Variants in NALCN observed in about 807,000 individuals in gnomAD.
NALCN encodes sodium leak channel NALCN.
Under a neutral mutation model 225.3 loss-of-function variants are expected in NALCN, and 111 were observed. That is an observed-to-expected ratio of 0.49 (90% CI 0.42 to 0.58). The LOEUF (loss-of-function observed/expected upper bound fraction) is 0.58, where lower values mean the gene tolerates loss of function less well. Ranked by LOEUF, NALCN falls within the 20% of genes least tolerant of loss-of-function variation. The probability of loss-of-function intolerance (pLI) is 0.00; values close to 1 mark genes in which losing one functional copy is unlikely to be tolerated. For missense variants in NALCN, 1,378 were observed against 2,202.4 expected (o/e 0.63, Z 7.49); for synonymous variants, 764 against 769.0 (o/e 0.99, Z 0.11).
chr13:101,233,297 T>C (rs570880306), intron 12 of NALCN, among the ~76,000 whole-genome samples: 4 of 152,220 alleles, frequency 2.6e-5, no homozygotes, highest in Admixed American at 2.6e-4. Flanking sequence ...AGAAATTGCA[T>C]AGTTAAGAAT....
chr13:101,288,005 C>A (rs1325427061), intron 9 of NALCN, among the ~76,000 whole-genome samples: 1 of 152,130 alleles, frequency 6.6e-6, no homozygotes, highest in African/African-American at 2.4e-5. Flanking sequence ...ATTTACTTTG[C>A]AATTTGCATG....
intron 14 of NALCN, 64 bp from the exon 15 acceptor site, chr13:101,176,438 A>G (rs985092086): frequency 3.3e-6 from 4 of 1,198,006 alleles, no homozygotes; most frequent in African/African-American, 1.6e-5. Context: ...TATTATATGT[A>G]TAATATAGCT....
chr13:101,346,085 C>CTATATATA (rs1164298684), intron 6 of NALCN, among the ~76,000 whole-genome samples: 38 of 80,370 alleles, frequency 4.7e-4, no homozygotes, highest in African/African-American at 6.4e-4. Flanking sequence ...CTCTCTCTCT[C>CTATATATA]TCTATATATA....
rs1555347181 is a variant in NALCN, at chr13:101,400,590, T to TGTGTGCGC, written c.-39-1426_-39-1425insGCGCACAC. 4.9e-5 allele frequency among the ~76,000 whole-genome samples: 7 copies of TGTGTGCGC among 142,818 alleles called. No individual in the cohort carries two copies. In the East Asian group the frequency reaches 8.2e-4, roughly 17 times the overall value. 93.7% of individuals were successfully genotyped at this position (142,818 alleles called of 152,430 possible). On this transcript the variant is annotated intron_variant, in intron 1 of 43. Coordinates refer to ENST00000251127, the MANE Select transcript of NALCN (RefSeq NM_052867.4). ...GTGTGTGTGTGTGTGTGCACGTGTGTGCGCGCGCACACAGATGCAGTTTTT... is the reference window on the plus strand; with the variant it reads ...GTGTGTGTGTGTGTGTGCACGTGTGTGTGTGCGCGCGCGCGCACACAGATGCAGTTTTT...
At chr13:101,172,645 C>T (rs559276345) in intron 15 of NALCN, among the ~76,000 whole-genome samples, 5 of 152,120 alleles carry the variant, frequency 3.3e-5, no homozygotes, top group Non-Finnish European at 7.4e-5. Context: ...CTGCAAGCTC[C>T]GCCTCCCGGG....
chr13:101,411,433 C>T (rs1009750468), intron 1 of NALCN, among the ~76,000 whole-genome samples: 7 of 151,130 alleles, frequency 4.6e-5, no homozygotes, highest in Admixed American at 6.6e-5. Flanking sequence ...ACCTCTGCCT[C>T]CTGGGTTCAA....
chr13:101,284,682 A>C (rs1279564791), intron 9 of NALCN, among the ~76,000 whole-genome samples: 1 of 152,200 alleles, frequency 6.6e-6, no homozygotes, highest in African/African-American at 2.4e-5. Flanking sequence ...ACGTATTATG[A>C]AGGGAACAAG....
chr13:101,352,478 GAGAA>G (rs1191962334), intron 6 of NALCN, among the ~76,000 whole-genome samples: 2 of 152,186 alleles, frequency 1.3e-5, no homozygotes, highest in Non-Finnish European at 2.9e-5. Flanking sequence ...GAAAGAGAGA[GAGAA>G]AGAGAGAGAC....
intron 15 of NALCN, among the ~76,000 whole-genome samples, chr13:101,152,139 A>G (rs1258727259): frequency 1.3e-5 from 2 of 152,238 alleles, no homozygotes; most frequent in Non-Finnish European, 2.9e-5. Context: ...CTGAAGCCAC[A>G]GATAGAAATT....
chr13:101,342,766 A>G (rs2045597912), intron 7 of NALCN, among the ~76,000 whole-genome samples: 1 of 152,164 alleles, frequency 6.6e-6, no homozygotes, highest in African/African-American at 2.4e-5. Flanking sequence ...ACAAAGAGGC[A>G]AAGATGTCTT....
chr13:101,068,587 C>T (rs1041257452), intron 38 of NALCN, 108 bp downstream of exon 38: 2 of 1,174,808 alleles, frequency 1.7e-6, no homozygotes, highest in Admixed American at 3.5e-5. Flanking sequence ...TAATTAATGC[C>T]ATGAAACACC....
chr13:101,203,316 A>C (rs1046428824), intron 13 of NALCN, among the ~76,000 whole-genome samples: 1 of 152,158 alleles, frequency 6.6e-6, no homozygotes, highest in African/African-American at 2.4e-5. Flanking sequence ...TCCAGGTTCA[A>C]ACGATTCTCC....
intron 15 of NALCN, among the ~76,000 whole-genome samples, chr13:101,154,877 G>A (rs1594322627): frequency 6.6e-6 from 1 of 152,184 alleles, no homozygotes; most frequent in Non-Finnish European, 1.5e-5. Context: ...GTAATGACAA[G>A]TTACATCAGA....
intron 37 of NALCN, among the ~76,000 whole-genome samples, chr13:101,070,765 A>C (rs1473736981): frequency 6.6e-6 from 1 of 152,212 alleles, no homozygotes; most frequent in East Asian, 1.9e-4. Context: ...TATAGAGCAC[A>C]GGCAGGGTAG....
At chr13:101,335,112 A>G (rs896264678) in intron 7 of NALCN, among the ~76,000 whole-genome samples, 3 of 152,114 alleles carry the variant, frequency 2.0e-5, no homozygotes, top group African/African-American at 7.2e-5. Flanking sequence ...GCTCTCCAAA[A>G]TTTACTTTTA....
At chr13:101,391,792 G>C (rs1238532392) in intron 3 of NALCN, among the ~76,000 whole-genome samples, 1 of 148,732 alleles carries the variant, frequency 6.7e-6, no homozygotes, top group East Asian at 1.9e-4. Context: ...AGACCATCCT[G>C]GCCAACACAG....
chr13:101,248,704 G>C (rs181197662), intron 11 of NALCN, among the ~76,000 whole-genome samples: 1 of 152,262 alleles, frequency 6.6e-6, no homozygotes, highest in Admixed American at 6.5e-5. Flanking sequence ...ATGAAAAGAG[G>C]AAACAGCAAG....
chr13:101,207,817 C>T (rs909237762), intron 13 of NALCN, among the ~76,000 whole-genome samples: 8 of 152,228 alleles, frequency 5.3e-5, no homozygotes, highest in African/African-American at 1.2e-4. Flanking sequence ...GGTCCCCTTC[C>T]GTGCTGTGGA....
chr13:101,166,451 C>G (rs1433524004), intron 15 of NALCN, among the ~76,000 whole-genome samples: 1 of 151,670 alleles, frequency 6.6e-6, no homozygotes, highest in Non-Finnish European at 1.5e-5. Flanking sequence ...AAAGTGGTAT[C>G]TCATTGTGGT....
Sources: allele counts gnomAD v4.1 joint callset (sites outside exome capture counted in the v4.1 genomes callset), GRCh38; gene constraint gnomAD v4.1.1; transcripts MANE v1.5; gene names NCBI Gene and HGNC (gene_info 2026-07-23, HGNC 2026-07-21).